OR4K2: variants seen among roughly 807,000 people sequenced by gnomAD.
OR4K2 encodes the protein olfactory receptor 4K2.
Under a neutral mutation model 10.5 loss-of-function variants are expected in OR4K2, and 8 were observed. That is an observed-to-expected ratio of 0.76 (90% CI 0.45 to 1.37). OR4K2 has a LOEUF of 1.37. Ranked by LOEUF, OR4K2 falls within the 40% of genes most tolerant of loss-of-function variation. The pLI, the probability that OR4K2 is intolerant of heterozygous loss-of-function variation, is 0.00. For missense variants in OR4K2, 547 were observed against 379.5 expected (o/e 1.44, Z -3.67); for synonymous variants, 178 against 133.6 (o/e 1.33, Z -2.29).
At position 19,882,520 on chromosome 14, in the gene OR4K2, T is replaced by C. The variant is rs1881061536; in HGVS notation, c.*5308T>C. ...CACAAACATGTTTAGCTTAATGAAA[T>C]ATTACAAGGCAAACACCATTATAAT... On this transcript the variant is annotated 3_prime_UTR_variant, in exon 2 of 2. Coordinates refer to ENST00000641885, the MANE Select transcript of OR4K2 (RefSeq NM_001005501.2). 1 of 152,260 alleles carries C rather than the reference T, an allele frequency of 6.6e-6. No homozygotes were observed. Among genetic ancestry groups the C allele is most frequent in the Non-Finnish European group, 1.5e-5 (1 of 68,058 alleles). The allele number at this position is 152,260 out of a possible 1,614,324, so 9.4% of individuals were successfully genotyped here.
In OR4K2 at chr14:19,879,159, A is replaced by T. The variant is rs1159760851; in HGVS notation, c.*1947A>T. The T allele has an allele frequency of 6.6e-6, 1 of 152,232 alleles. No homozygotes were observed. The highest frequency in any genetic ancestry group is 1.9e-4 in the East Asian group (1 of 5,200). The allele number at this position is 152,232 out of a possible 1,614,324, so 9.4% of individuals were successfully genotyped here. ...TTGATAGTAAAATTCTGTGGCTGAT[A>T]ATAAAAAGGATTACAGAAAGCCTTT... On this transcript the variant is annotated 3_prime_UTR_variant, in exon 2 of 2. Coordinates refer to ENST00000641885, the MANE Select transcript of OR4K2 (RefSeq NM_001005501.2).
rs764015651 is a variant in OR4K2, at chr14:19,876,601, A to G, written c.334A>G (p.Ile112Val). The G allele has an allele frequency of 1.8e-5, 29 of 1,614,164 alleles. No homozygotes were observed. Among genetic ancestry groups the G allele is most frequent in the Non-Finnish European group, 2.2e-5 (26 of 1,179,982 alleles). Reference protein sequence around the residue: ...FFLHLFTGTEIILLMAMSFDR... With the variant: ...FFLHLFTGTEVILLMAMSFDR... Reference sequence around the variant, plus strand: ...TCTCCACCTTTTCACTGGAACTGAGATCATCTTACTCATGGCCATGTCCTT... The same window carrying G: ...TCTCCACCTTTTCACTGGAACTGAGGTCATCTTACTCATGGCCATGTCCTT... Residue 112 changes from isoleucine to valine, a missense_variant, in exon 2 of 2, where the codon ATC becomes GTC. Physicochemically the swap from Ile to Val is conservative, Grantham distance 29. Transcript: ENST00000641885.
rs1326980889 is a variant in OR4K2 at position 19,875,706 on chromosome 14, T to C, written c.-452T>C. ...TGAGTTTCAAACAGGAAACTTTATCTGGGAATACTTTAACAGTTCATCTCT... is the reference window on the plus strand; with the variant it reads ...TGAGTTTCAAACAGGAAACTTTATCCGGGAATACTTTAACAGTTCATCTCT... On this transcript the variant is annotated 5_prime_UTR_variant, in exon 1 of 2. Coordinates refer to ENST00000641885, the MANE Select transcript of OR4K2 (RefSeq NM_001005501.2). 1 of 152,470 alleles carries C rather than the reference T, an allele frequency of 6.6e-6. No homozygotes were observed. Among genetic ancestry groups the C allele is most frequent in the Non-Finnish European group, 1.5e-5 (1 of 68,190 alleles). 9.4% of individuals were successfully genotyped at this position (152,470 alleles called of 1,614,324 possible).
In OR4K2 at chr14:19,882,558, C is replaced by G. The variant is rs1431595441; in HGVS notation, c.*5346C>G. 2 of 152,214 alleles carry G rather than the reference C, an allele frequency of 1.3e-5. No individual in the cohort carries two copies. 9.4% of individuals were successfully genotyped at this position (152,214 alleles called of 1,614,324 possible). On this transcript the variant is annotated 3_prime_UTR_variant, in exon 2 of 2. Coordinates refer to ENST00000641885, the MANE Select transcript of OR4K2 (RefSeq NM_001005501.2). ...ACACCATTATAATCACATTTCAAGT[C>G]ACAAAATAGAACTTCGCCAGCCACC...
At position 19,882,767 on chromosome 14, in the gene OR4K2, AG is replaced by A. The variant is rs1881068054; in HGVS notation, c.*5556del. On this transcript the variant is annotated 3_prime_UTR_variant, in exon 2 of 2. Transcript: ENST00000641885. ...TTGTTTCCTTTTCTTGTAGCCTACA[AG>A]TCTCACTATCACTATCTCTTCAATT... The A allele has an allele frequency of 6.6e-6, 1 of 152,134 alleles. No individual in the cohort carries two copies. Among genetic ancestry groups the A allele is most frequent in the Admixed American group, 6.6e-5 (1 of 15,246 alleles). The allele number at this position is 152,134 out of a possible 1,614,324, so 9.4% of individuals were successfully genotyped here.
rs1881000071 is a variant in OR4K2, at chr14:19,880,055, T to G, written c.*2843T>G. 6.6e-6 allele frequency: 1 copy of G among 152,552 alleles called. No individual in the cohort carries two copies. The highest frequency in any genetic ancestry group is 2.4e-5 in the African/African-American group (1 of 41,470). 9.4% of individuals were successfully genotyped at this position (152,552 alleles called of 1,614,324 possible). On this transcript the variant is annotated 3_prime_UTR_variant, in exon 2 of 2. Transcript: ENST00000641885. ...AGCTTTCTTGAAACATTATAAGATT[T>G]TCTTGTGATTTTTTTGTAAAGCTCA... is the stretch of plus-strand genomic sequence containing the variant.
rs1233507302 is a variant in OR4K2 at position 19,878,268 on chromosome 14, A to G, written c.*1056A>G. On this transcript the variant is annotated 3_prime_UTR_variant, in exon 2 of 2. Transcript: ENST00000641885. The stretch of plus-strand genomic sequence containing the variant: ...TGGAATTGCAAGTATTGAAAGAGGA[A>G]AAATAATTGTGTATACCCTACTTTG... 1.3e-5 allele frequency: 2 copies of G among 152,216 alleles called. No individual in the cohort carries two copies. Among genetic ancestry groups the G allele is most frequent in the East Asian group, 3.8e-4 (2 of 5,200 alleles). The allele number at this position is 152,216 out of a possible 1,614,324, so 9.4% of individuals were successfully genotyped here.
rs1881058153 is a variant in OR4K2, at chr14:19,882,368, T to TTTTTTTTTTTTTTTTTTTTTTTTTTTTGA, written c.*5156_*5157insTTTTTTTTTTTTTTTTTTTTTTTTTTTGA. 6.6e-6 allele frequency: 1 copy of TTTTTTTTTTTTTTTTTTTTTTTTTTTTGA among 152,260 alleles called. No individual in the cohort carries two copies. Among genetic ancestry groups the TTTTTTTTTTTTTTTTTTTTTTTTTTTTGA allele is most frequent in the African/African-American group, 2.4e-5 (1 of 41,442 alleles). 9.4% of individuals were successfully genotyped at this position (152,260 alleles called of 1,614,324 possible). On this transcript the variant is annotated 3_prime_UTR_variant, in exon 2 of 2. Coordinates refer to ENST00000641885, the MANE Select transcript of OR4K2 (RefSeq NM_001005501.2). ...CAATTTGTAGATTTCAAGATTCTTA[T>TTTTTTTTTTTTTTTTTTTTTTTTTTTTGA]GCAACAGAAAACATGCTAATAGAGG...
Position 19,877,042 on chromosome 14 carries a change from A to T in OR4K2, c.775A>T (p.Met259Leu), listed in dbSNP as rs375931762. The change falls in exon 2 of 2, where the codon ATG becomes TTG. Residue 259 changes from methionine (M) to leucine (L), a missense_variant. By Grantham distance (15) the Met-to-Leu change is conservative. Coordinates refer to ENST00000641885, the MANE Select transcript of OR4K2 (RefSeq NM_001005501.2). The part of the protein sequence containing the change: ...LFFGPCIFIY[M>L]WPLSSFLTDK... ...CTTTGGGCCATGCATCTTCATCTAC[A>T]TGTGGCCACTAAGCAGCTTTCTCAC... is the stretch of plus-strand genomic sequence containing the variant. 3.2e-5 allele frequency: 52 copies of T among 1,613,138 alleles called. No homozygotes were observed. The highest frequency in any genetic ancestry group is 4.1e-5 in the Non-Finnish European group (48 of 1,179,954).
rs1880979083 is a variant in OR4K2, at chr14:19,879,110, C to A, written c.*1898C>A. On this transcript the variant is annotated 3_prime_UTR_variant, in exon 2 of 2. Coordinates refer to ENST00000641885, the MANE Select transcript of OR4K2 (RefSeq NM_001005501.2). ...CAGCAGACAACTCTATAAGGCAAGT[C>A]AATAATGAGATTAAGTAGTTGGATT... 1 of 152,046 alleles carries A rather than the reference C, an allele frequency of 6.6e-6. No homozygotes were observed. Among genetic ancestry groups the A allele is most frequent in the South Asian group, 2.1e-4 (1 of 4,832 alleles). 9.4% of individuals were successfully genotyped at this position (152,046 alleles called of 1,614,324 possible). A position where few individuals can be genotyped will look rare whatever the true frequency, so the allele number is the denominator to read the frequency against.
rs542812350 is a variant in OR4K2, at chr14:19,876,985, T to G, written c.718T>G (p.Cys240Gly). The G allele has an allele frequency of 1.5e-5, 24 of 1,614,020 alleles. No homozygotes were observed. The South Asian group carries it at 2.5e-4, about 17-fold the overall frequency. ...AGGATCATCTAAGGCCCTTTCTACT[T>G]GTACAGCTCATTTCATTGTTGTCTT... The part of the protein sequence containing the change: ...SRGSSKALST[C>G]TAHFIVVFLF... Residue 240 changes from cysteine to glycine, a missense_variant, in exon 2 of 2, where the codon TGT becomes GGT. By Grantham distance (159) the Cys-to-Gly change is radical (BLOSUM62 -3). Coordinates refer to ENST00000641885, the MANE Select transcript of OR4K2 (RefSeq NM_001005501.2).
rs1780928 is a variant in OR4K2 at position 19,883,405 on chromosome 14, C to T, written c.*6193C>T. Reference sequence around the variant, plus strand: ...GGCGTGTTGGCAAGTTTCTTTGAAACATTTATGTACTGTAATTTCATTGGC... The same window carrying T: ...GGCGTGTTGGCAAGTTTCTTTGAAATATTTATGTACTGTAATTTCATTGGC... On this transcript the variant is annotated 3_prime_UTR_variant, in exon 2 of 2. Transcript: ENST00000641885. 0.31 allele frequency: 46,421 copies of T among 148,666 alleles called. 3,612 individuals carry two copies. Among genetic ancestry groups the T allele is most frequent in the Middle Eastern group, 0.37 (105 of 284 alleles). 9.2% of individuals were successfully genotyped at this position (148,666 alleles called of 1,614,324 possible).
rs1235156841 is a variant in OR4K2, at chr14:19,875,874, T to C, written c.-284T>C. 2.1e-5 allele frequency: 4 copies of C among 191,390 alleles called. No individual in the cohort carries two copies. The East Asian group carries it at 4.3e-4, about 20-fold the overall frequency. The allele number at this position is 191,390 out of a possible 1,614,324, so 11.9% of individuals were successfully genotyped here. ...AATTCCAAATGACTAAACATGTATGTGTATGTGTGTTTCACACATTGTCAG... is the reference window on the plus strand; with the variant it reads ...AATTCCAAATGACTAAACATGTATGCGTATGTGTGTTTCACACATTGTCAG... On this transcript the variant is annotated 5_prime_UTR_variant, in exon 1 of 2. Coordinates refer to ENST00000641885, the MANE Select transcript of OR4K2 (RefSeq NM_001005501.2).
At position 19,876,104 on chromosome 14, in the gene OR4K2, C is replaced by A. The variant is rs907745553; in HGVS notation, c.-54C>A. 2 of 624,660 alleles carry A rather than the reference C, an allele frequency of 3.2e-6. No homozygotes were observed. Among genetic ancestry groups the A allele is most frequent in the South Asian group, 2.2e-5 (1 of 45,348 alleles). The allele number at this position is 624,660 out of a possible 1,614,324, so 38.7% of individuals were successfully genotyped here. A position where few individuals can be genotyped will look rare whatever the true frequency, so the allele number is the denominator to read the frequency against. On this transcript the variant is annotated 5_prime_UTR_variant, in exon 1 of 2. Coordinates refer to ENST00000641885, the MANE Select transcript of OR4K2 (RefSeq NM_001005501.2). Reference sequence around the variant, plus strand: ...CATAATTTCCATTCAAAACAATATACCAAATGAGAAGGATGGAAAGAATAG... The same window carrying A: ...CATAATTTCCATTCAAAACAATATAACAAATGAGAAGGATGGAAAGAATAG...
chr14:19,876,230 T>TTTC lies in OR4K2; in HGVS notation c.-23-13_-23-12insCTT. ...CTGACTTTCCTTTTTTTTTTTTTTT[T>TTTC]TTTTCGTGATACAGGCTTCTGCCTA... On this transcript the variant is annotated splice_polypyrimidine_tract_variant and intron_variant, in intron 1 of 1. Transcript: ENST00000641885. 8.8e-7 allele frequency: 1 copy of TTTC among 1,137,008 alleles called. No individual in the cohort carries two copies. The allele number at this position is 1,137,008 out of a possible 1,614,324, so 70.4% of individuals were successfully genotyped here. A position where few individuals can be genotyped will look rare whatever the true frequency, so the allele number is the denominator to read the frequency against.
rs8013148 is a variant in OR4K2, at chr14:19,882,551, T to C, written c.*5339T>C. On this transcript the variant is annotated 3_prime_UTR_variant, in exon 2 of 2. Transcript: ENST00000641885. ...AAGGCAAACACCATTATAATCACAT[T>C]TCAAGTCACAAAATAGAACTTCGCC... 79,491 of 149,196 alleles carry C rather than the reference T, an allele frequency of 0.53. 16,125 individuals are homozygous for C. The highest frequency in any genetic ancestry group is 0.63 in the African/African-American group (25,717 of 41,108). The allele number at this position is 149,196 out of a possible 1,614,324, so 9.2% of individuals were successfully genotyped here.
rs964063813 is a variant in OR4K2 at position 19,880,596 on chromosome 14, A to G, written c.*3384A>G. The G allele has an allele frequency of 3.3e-5, 5 of 152,258 alleles. No individual in the cohort carries two copies. Among genetic ancestry groups the G allele is most frequent in the Non-Finnish European group, 5.9e-5 (4 of 68,042 alleles). 9.4% of individuals were successfully genotyped at this position (152,258 alleles called of 1,614,324 possible). ...GTGTCAGTATTAATTTGAAAAATTA[A>G]AAGTAACTTCCACTAGAAAATTACA... On this transcript the variant is annotated 3_prime_UTR_variant, in exon 2 of 2. Coordinates refer to ENST00000641885, the MANE Select transcript of OR4K2 (RefSeq NM_001005501.2).
rs746938396 is a variant in OR4K2, at chr14:19,876,775, G to T, written c.508G>T (p.Gly170Cys). 2 of 1,614,190 alleles carry T rather than the reference G, an allele frequency of 1.2e-6. No homozygotes were observed. Among genetic ancestry groups the T allele is most frequent in the Non-Finnish European group, 1.7e-6 (2 of 1,179,988 alleles). Residue 170 changes from glycine to cysteine, a missense_variant, in exon 2 of 2, where the codon GGT becomes TGT. Physicochemically the swap from Gly to Cys is radical, Grantham distance 159. Transcript: ENST00000641885. ...ATTTGCCCTCACGTTACCATTCTGT[G>T]GTCCCTATGAGGTAGACAGCTTTTT... ...VIFALTLPFCGPYEVDSFFCD... is the reference protein window; with the variant it reads ...VIFALTLPFCCPYEVDSFFCD...
Position 19,876,325 on chromosome 14 carries a change from TC to T in OR4K2, c.60del (p.Trp21GlyfsTer25), listed in dbSNP as rs1880894621. ...SEFVLLGLSN[S>X]WELQMFFFMV... ...ATTTGTTTTGCTGGGGCTCTCTAAT[TC>T]CTGGGAACTACAGATGTTTTTCTTT... On this transcript the variant is annotated frameshift_variant, in exon 2 of 2. Transcript: ENST00000641885. LOFTEE classifies it high-confidence loss of function. The T allele has an allele frequency of 1.2e-6, 2 of 1,613,486 alleles. No individual in the cohort carries two copies. Among genetic ancestry groups the T allele is most frequent in the African/African-American group, 2.7e-5 (2 of 74,868 alleles).
Sources: gnomAD v4.1 joint callset for allele counts on GRCh38, gnomAD v4.1.1 for gene constraint, MANE v1.5 for transcripts, NCBI Gene and HGNC (gene_info 2026-07-23, HGNC 2026-07-21) for gene names.